The following NYAP2 variants were observed in gnomAD, a reference collection of about 807,000 sequenced individuals.
The protein encoded by NYAP2 is neuronal tyrosine-phosphorylated phosphoinositide-3-kinase adapter 2.
In NYAP2, 23 loss-of-function variants were observed where a neutral mutation model predicts 50.4. The ratio of observed to expected loss-of-function variants is 0.46; its 90% CI spans 0.33 to 0.65. NYAP2 has a LOEUF of 0.65. NYAP2 is among the 30% of genes least tolerant of loss of function. NYAP2 has a pLI of 0.02. For synonymous variants in NYAP2, 394 were observed against 365.2 expected, an observed-to-expected ratio of 1.08 and a Z score of -0.90; for missense variants, 885 against 861.0, an observed-to-expected ratio of 1.03 and a Z score of -0.35.
chr2:225,584,041 C>CA, intron 5 of NYAP2, among the ~76,000 whole-genome samples: 1 of 150,490 alleles, frequency 6.6e-6, no homozygotes. Flanking sequence ...GACTCTGTCT[C>CA]AAAAACAAAA....
At chr2:225,527,161 G>C (rs1429161745) in intron 4 of NYAP2, among the ~76,000 whole-genome samples, 2 of 152,176 alleles carry the variant, frequency 1.3e-5, no homozygotes, top group African/African-American at 2.4e-5. Flanking sequence ...CATTGGCCTA[G>C]TTTGTTCAGT....
intron 4 of NYAP2, among the ~76,000 whole-genome samples, chr2:225,531,279 G>C (rs1448729792): frequency 6.6e-6 from 1 of 152,100 alleles, no homozygotes; most frequent in Non-Finnish European, 1.5e-5. Flanking sequence ...GCCCTTGCTT[G>C]TAAAATTTTC....
intron 5 of NYAP2, among the ~76,000 whole-genome samples, chr2:225,590,720 C>A (rs1692485415): frequency 6.6e-6 from 1 of 152,190 alleles, no homozygotes; most frequent in Non-Finnish European, 1.5e-5. Context: ...CTGTTGTTTT[C>A]CTTTCCTTGA....
rs184621111 is a variant in NYAP2 at position 225,480,628 on chromosome 2, G to C, written c.222-32743G>C. On this transcript the variant is annotated intron_variant, in intron 3 of 6. Coordinates refer to ENST00000636099, the Ensembl canonical transcript of NYAP2. ...ATATATTGTGAAGCTGTGCAAAAGTGGTTGAGGGTATAGCAAGAAGGATCT... is the reference window on the plus strand; with the variant it reads ...ATATATTGTGAAGCTGTGCAAAAGTCGTTGAGGGTATAGCAAGAAGGATCT... Among the ~76,000 whole-genome samples the C allele has an allele frequency of 2.6e-5, 4 of 152,166 alleles. No homozygotes were observed. The East Asian group carries it at 7.7e-4, about 29-fold the overall frequency.
intron 3 of NYAP2, among the ~76,000 whole-genome samples, chr2:225,424,273 T>C (rs1436128431): frequency 1.3e-5 from 2 of 152,136 alleles, no homozygotes; most frequent in East Asian, 1.9e-4. Flanking sequence ...GAGGTATAAG[T>C]AAGTCAAATT....
intron 3 of NYAP2, among the ~76,000 whole-genome samples, chr2:225,479,977 C>T (rs1442384370): frequency 6.6e-6 from 1 of 151,992 alleles, no homozygotes; most frequent in East Asian, 1.9e-4. Context: ...TCTTCTACTT[C>T]TTTTACTTGT....
intron 4 of NYAP2, among the ~76,000 whole-genome samples, chr2:225,532,329 T>A (rs1256177654): frequency 6.6e-6 from 1 of 152,232 alleles, no homozygotes; most frequent in African/African-American, 2.4e-5. Flanking sequence ...AAGCATAGAC[T>A]TATTGCATAA....
chr2:225,447,264 T>G (rs950776619), intron 3 of NYAP2, among the ~76,000 whole-genome samples: 1 of 152,216 alleles, frequency 6.6e-6, no homozygotes, highest in Non-Finnish European at 1.5e-5. Context: ...GACCCCATTG[T>G]TCTTTGATTC....
At chr2:225,409,280 A>C (rs1694993217) in intron 3 of NYAP2, among the ~76,000 whole-genome samples, 179 bp downstream of exon 3, 1 of 152,034 alleles carries the variant, frequency 6.6e-6, no homozygotes. Context: ...TGCCAACAGC[A>C]TCCTTAGTTA....
intron 4 of NYAP2, among the ~76,000 whole-genome samples, chr2:225,566,177 A>G (rs1691958509): frequency 6.6e-6 from 1 of 152,196 alleles, no homozygotes; most frequent in African/African-American, 2.4e-5. Flanking sequence ...CATTTGATAA[A>G]TAGTGGCTAT....
At chr2:225,647,357 T>A (rs1156692579) in intron 6 of NYAP2, among the ~76,000 whole-genome samples, 2 of 152,222 alleles carry the variant, frequency 1.3e-5, no homozygotes, top group Non-Finnish European at 2.9e-5. Context: ...TATAAGTTAC[T>A]AGGATATTGT....
chr2:225,409,577 T>C (rs1332851521), intron 3 of NYAP2, among the ~76,000 whole-genome samples: 1 of 152,060 alleles, frequency 6.6e-6, no homozygotes, highest in Non-Finnish European at 1.5e-5. Context: ...CCTCAGGGTG[T>C]GCTCTCCCTA....
chr2:225,521,427 T>G (rs1691055179), intron 4 of NYAP2, among the ~76,000 whole-genome samples: 2 of 151,648 alleles, frequency 1.3e-5, no homozygotes, highest in South Asian at 2.1e-4. Context: ...AGATAGCTCT[T>G]ATTATTTTGA....
chr2:225,581,690 T>C (rs1692271808), intron 4 of NYAP2, among the ~76,000 whole-genome samples: 1 of 152,192 alleles, frequency 6.6e-6, no homozygotes, highest in African/African-American at 2.4e-5. Flanking sequence ...GGGTGAACAG[T>C]CCTGGTTTTA....
rs1692554984 is a variant in NYAP2 at position 225,593,928 on chromosome 2, G to C, written c.1618+10893G>C. 2.0e-5 allele frequency among the ~76,000 whole-genome samples: 3 copies of C among 152,178 alleles called. No individual in the cohort carries two copies. In the South Asian group the frequency reaches 6.2e-4, roughly 32 times the overall value. On this transcript the variant is annotated intron_variant, in intron 5 of 6. Transcript: ENST00000636099. The stretch of plus-strand genomic sequence containing the variant: ...CAGCAAAAAAGCAGCTATGCTGAAT[G>C]CTGAATCATTGCTTCTACTCTTAAG...
chr2:225,644,937 T>A (rs921817114), intron 6 of NYAP2, among the ~76,000 whole-genome samples: 46 of 152,174 alleles, frequency 3.0e-4, no homozygotes, highest in African/African-American at 1.0e-3. Flanking sequence ...CTTTTTTGGT[T>A]CCATAAAAAG....
At chr2:225,515,620 T>C (rs991124094) in intron 4 of NYAP2, among the ~76,000 whole-genome samples, 2 of 152,174 alleles carry the variant, frequency 1.3e-5, no homozygotes, top group African/African-American at 4.8e-5. Flanking sequence ...AATAGGTGTT[T>C]AGTTAACCCA....
At chr2:225,462,264 T>G (rs1689846411) in intron 3 of NYAP2, among the ~76,000 whole-genome samples, 1 of 152,228 alleles carries the variant, frequency 6.6e-6, no homozygotes, top group African/African-American at 2.4e-5. Context: ...AAAAAAGATC[T>G]GAAAGTTTAA....
chr2:225,629,981 A>G (rs1693279919), intron 6 of NYAP2, among the ~76,000 whole-genome samples: 1 of 152,242 alleles, frequency 6.6e-6, no homozygotes, highest in Non-Finnish European at 1.5e-5. Context: ...TGATTTTAAC[A>G]GTAATAATCG....
Sources: gnomAD v4.1 joint callset for allele counts (sites outside exome capture counted in the v4.1 genomes callset) on GRCh38, gnomAD v4.1.1 for gene constraint, MANE v1.5 for transcripts, NCBI Gene and HGNC (gene_info 2026-07-23, HGNC 2026-07-21) for gene names.